PCSK2: variants seen among roughly 807,000 people sequenced by gnomAD.
The protein encoded by PCSK2 is proprotein convertase subtilisin/kexin type 2.
In PCSK2, 14 loss-of-function variants were observed where a neutral mutation model predicts 69.7. That is an observed-to-expected ratio of 0.20 (90% confidence interval 0.13 to 0.31). The LOEUF (loss-of-function observed/expected upper bound fraction) is 0.31. Ranked by LOEUF, PCSK2 falls within the 10% of genes least tolerant of loss-of-function variation. PCSK2 has a pLI of 1.00. For missense variants in PCSK2, 544 were observed against 842.5 expected (o/e 0.65, Z 4.39); for synonymous variants, 307 against 320.7 (o/e 0.96, Z 0.46).
intron 5 of PCSK2, among the ~76,000 whole-genome samples, chr20:17,398,955 G>A (rs1277984399): frequency 1.3e-5 from 2 of 152,268 alleles, no homozygotes; most frequent in East Asian, 3.9e-4. Flanking sequence ...GAAGGCTAAT[G>A]AGACACCCCA....
chr20:17,279,412 T>C (rs371930691), intron 2 of PCSK2, among the ~76,000 whole-genome samples: 1 of 152,218 alleles, frequency 6.6e-6, no homozygotes, highest in South Asian at 2.1e-4. Flanking sequence ...CATTTTGTAG[T>C]GAAACTCGTT....
At chr20:17,350,407 T>A (rs1276439368) in intron 2 of PCSK2, among the ~76,000 whole-genome samples, 1 of 151,820 alleles carries the variant, frequency 6.6e-6, no homozygotes, top group Non-Finnish European at 1.5e-5. Context: ...AGCAAAGACG[T>A]CCCTCACCAT....
rs1380334704 is a variant in PCSK2, at chr20:17,227,141, C to T, written c.-165C>T. 1.3e-5 allele frequency: 8 copies of T among 592,812 alleles called. No homozygotes were observed. The highest frequency in any genetic ancestry group is 2.4e-5 in the Non-Finnish European group (8 of 337,710). 36.7% of individuals were successfully genotyped at this position (592,812 alleles called of 1,614,324 possible). A position where few individuals can be genotyped will look rare whatever the true frequency, so the allele number is the denominator to read the frequency against. Reference sequence around the variant, plus strand: ...TCCCCTCCAGCCAGATGCTGGAGAACACACACTGATTCGCTGCTTTCCAAG... The same window carrying T: ...TCCCCTCCAGCCAGATGCTGGAGAATACACACTGATTCGCTGCTTTCCAAG... On this transcript the variant is annotated 5_prime_UTR_variant, in exon 1 of 12. Transcript: ENST00000262545.
chr20:17,369,185 G>C (rs1053260816), intron 4 of PCSK2, 55 bp from the exon 5 acceptor site: 1 of 1,519,876 alleles, frequency 6.6e-7, no homozygotes, highest in African/African-American at 1.4e-5. Flanking sequence ...CTTTCCTGAG[G>C]ACACAGTGGC....
At chr20:17,435,597 A>G (rs2032468959) in intron 7 of PCSK2, among the ~76,000 whole-genome samples, 1 of 152,220 alleles carries the variant, frequency 6.6e-6, no homozygotes, top group African/African-American at 2.4e-5. Flanking sequence ...CTTCAGGCAC[A>G]ACATCCTTTG....
intron 2 of PCSK2, among the ~76,000 whole-genome samples, chr20:17,271,580 T>C (rs1310806153): frequency 1.1e-4 from 17 of 151,978 alleles, no homozygotes; most frequent in Non-Finnish European, 2.4e-4. Context: ...CAAAATGATC[T>C]TCTCCTCTGT....
chr20:17,259,921 G>T (rs1184395739), intron 1 of PCSK2, among the ~76,000 whole-genome samples: 1 of 152,092 alleles, frequency 6.6e-6, no homozygotes, highest in Non-Finnish European at 1.5e-5. Context: ...ATCTGATGCA[G>T]GTGTGAATGT....
chr20:17,271,180 C>T (rs144353345), intron 2 of PCSK2, among the ~76,000 whole-genome samples: 3 of 151,892 alleles, frequency 2.0e-5, no homozygotes, highest in East Asian at 1.9e-4. Flanking sequence ...GTATCCTCAA[C>T]TTATAGAACA....
At position 17,227,183 on chromosome 20, in the gene PCSK2, TTCTC is replaced by T. The variant is rs1485542194; in HGVS notation, c.-121_-118del. 1.2e-5 allele frequency: 8 copies of T among 651,154 alleles called. No individual in the cohort carries two copies. The highest frequency in any genetic ancestry group is 1.6e-5 in the Non-Finnish European group (6 of 378,744). 40.3% of individuals were successfully genotyped at this position (651,154 alleles called of 1,614,324 possible). A position where few individuals can be genotyped will look rare whatever the true frequency, so the allele number is the denominator to read the frequency against. On this transcript the variant is annotated 5_prime_UTR_variant, in exon 1 of 12. Coordinates refer to ENST00000262545, the MANE Select transcript of PCSK2 (RefSeq NM_002594.5). ...CTTTCCAAGACCCTGTTCAGTCTCT[TTCTC>T]TATACAAAGATTTTTTTAAAAACTA...
At chr20:17,328,117 G>A (rs1990114863) in intron 2 of PCSK2, among the ~76,000 whole-genome samples, 1 of 152,182 alleles carries the variant, frequency 6.6e-6, no homozygotes, top group Admixed American at 6.5e-5. Flanking sequence ...ATAAAAGGAA[G>A]CAAGCTCATC....
At chr20:17,260,511 G>A (rs1987338414) in intron 2 of PCSK2, among the ~76,000 whole-genome samples, 167 bp downstream of exon 2, 1 of 152,150 alleles carries the variant, frequency 6.6e-6, no homozygotes, top group South Asian at 2.1e-4. Flanking sequence ...CTGCTCCTTT[G>A]TCTCTGCATA....
At chr20:17,241,719 A>T (rs1609657) in intron 1 of PCSK2, among the ~76,000 whole-genome samples, 130,426 of 152,042 alleles carry the variant, frequency 0.86, 56,159 homozygotes, top group Admixed American at 0.9. Flanking sequence ...ATCCATGAAG[A>T]TTAGTCCAGC....
intron 9 of PCSK2, among the ~76,000 whole-genome samples, 192 bp from the exon 10 acceptor site, chr20:17,456,156 G>A (rs1466281050): frequency 1.3e-5 from 2 of 152,082 alleles, no homozygotes; most frequent in African/African-American, 4.8e-5. Context: ...CAGGAGAATC[G>A]CTTGAACCTG....
At chr20:17,227,874 CA>C (rs1985993038) in intron 1 of PCSK2, among the ~76,000 whole-genome samples, 1 of 152,130 alleles carries the variant, frequency 6.6e-6, no homozygotes, top group Admixed American at 6.5e-5. Flanking sequence ...CCCCCACCCC[CA>C]TCCCCCGGAG....
In PCSK2 at chr20:17,354,580, G is replaced by A. The variant is rs1026210409; in HGVS notation, c.283-3747G>A. Among the ~76,000 whole-genome samples the A allele has an allele frequency of 4.6e-5, 7 of 152,044 alleles. 1 individual carries two copies. The highest frequency in any genetic ancestry group is 1.7e-4 in the African/African-American group (7 of 41,380). On this transcript the variant is annotated intron_variant, in intron 2 of 11. Coordinates refer to ENST00000262545, the MANE Select transcript of PCSK2 (RefSeq NM_002594.5). ...AAATAGTTTATAACCCAATCTGTCC[G>A]GTCATGGTAATTTTATTTATAATGG...
intron 2 of PCSK2, among the ~76,000 whole-genome samples, chr20:17,348,031 G>GA (rs1990732350): frequency 1.7e-4 from 12 of 71,852 alleles, no homozygotes; most frequent in Non-Finnish European, 2.9e-5. Flanking sequence ...GAGAAAGAAA[G>GA]AAGAAAGAAA....
intron 3 of PCSK2, among the ~76,000 whole-genome samples, chr20:17,359,925 G>A (rs778176067): frequency 6.6e-6 from 1 of 152,234 alleles, no homozygotes; most frequent in South Asian, 2.1e-4. Flanking sequence ...ATTTTTGGGG[G>A]CCAGGATGAG....
At chr20:17,303,585 C>CA (rs201424820) in intron 2 of PCSK2, among the ~76,000 whole-genome samples, 7,789 of 106,476 alleles carry the variant, frequency 0.073, 445 homozygotes, top group East Asian at 0.12. Flanking sequence ...AAAATATATA[C>CA]TTTTTTTTTG....
intron 6 of PCSK2, among the ~76,000 whole-genome samples, chr20:17,420,000 C>T (rs1422722924): frequency 6.6e-6 from 1 of 152,158 alleles, no homozygotes; most frequent in Non-Finnish European, 1.5e-5. Flanking sequence ...ACATTTATTA[C>T]TCAAGCAAAC....
Sources: allele counts gnomAD v4.1 joint callset (sites outside exome capture counted in the v4.1 genomes callset), GRCh38; gene constraint gnomAD v4.1.1; transcripts MANE v1.5; gene names NCBI Gene and HGNC (gene_info 2026-07-23, HGNC 2026-07-21).